CARMIL1: variants seen among roughly 807,000 people sequenced by gnomAD.
CARMIL1 encodes the protein capping protein regulator and myosin 1 linker 1.
Under a neutral mutation model 177.1 loss-of-function variants are expected in CARMIL1, and 90 were observed. The ratio of observed to expected loss-of-function variants is 0.51; its 90% CI spans 0.43 to 0.61. The LOEUF is 0.61. Ranked by LOEUF, CARMIL1 falls within the 20% of genes least tolerant of loss-of-function variation. The probability of loss-of-function intolerance (pLI) is 0.00; values close to 1 mark genes in which losing one functional copy is unlikely to be tolerated. For missense variants in CARMIL1, 1,380 were observed against 1,667.0 expected (o/e 0.83, Z 3.00); for synonymous variants, 577 against 606.2 (o/e 0.95, Z 0.71).
intron 2 of CARMIL1, among the ~76,000 whole-genome samples, chr6:25,380,842 G>C (rs1192112335): frequency 6.7e-6 from 1 of 149,136 alleles, no homozygotes; most frequent in African/African-American, 2.5e-5. Context: ...ACTCTTTTTT[G>C]CCAGATGTGG....
intron 2 of CARMIL1, among the ~76,000 whole-genome samples, chr6:25,401,606 T>C (rs112491120): frequency 3.3e-5 from 5 of 152,230 alleles, no homozygotes; most frequent in African/African-American, 9.6e-5. Flanking sequence ...TCTTGGGTCA[T>C]GCAATTCAGT....
intron 2 of CARMIL1, among the ~76,000 whole-genome samples, chr6:25,395,122 G>A (rs1365680171): frequency 6.6e-6 from 1 of 152,160 alleles, no homozygotes; most frequent in Non-Finnish European, 1.5e-5. Flanking sequence ...CCCTACTGGG[G>A]ACTAGGAGCT....
chr6:25,320,834 TAAG>T (rs1172806252), intron 2 of CARMIL1, among the ~76,000 whole-genome samples: 3 of 152,246 alleles, frequency 2.0e-5, no homozygotes, highest in South Asian at 4.1e-4. Context: ...GGCCACATTG[TAAG>T]AAGAAGAATT....
At chr6:25,340,014 G>C (rs1786734890) in intron 2 of CARMIL1, among the ~76,000 whole-genome samples, 1 of 152,180 alleles carries the variant, frequency 6.6e-6, no homozygotes, top group Non-Finnish European at 1.5e-5. Flanking sequence ...TTGTTGTCGA[G>C]CATGAAGAAA....
intron 35 of CARMIL1, 75 bp from the exon 36 acceptor site, chr6:25,609,975 A>C: frequency 5.0e-6 from 7 of 1,390,830 alleles, no homozygotes; most frequent in African/African-American, 2.9e-5. Flanking sequence ...ATTTTTATAT[A>C]TAGATTTACC....
At chr6:25,296,843 G>T (rs76929891) in intron 2 of CARMIL1, among the ~76,000 whole-genome samples, 1 of 152,190 alleles carries the variant, frequency 6.6e-6, no homozygotes, top group African/African-American at 2.4e-5. Context: ...GGGCAGTTCA[G>T]TTTGGCACTT....
chr6:25,401,850 A>G (rs1793905603), intron 2 of CARMIL1, among the ~76,000 whole-genome samples: 2 of 152,172 alleles, frequency 1.3e-5, no homozygotes, highest in Admixed American at 6.5e-5. Context: ...GCCAGATCTC[A>G]GGGACGTTGT....
intron 16 of CARMIL1, among the ~76,000 whole-genome samples, chr6:25,497,456 A>G (rs1260722892): frequency 6.6e-6 from 1 of 152,148 alleles, no homozygotes; most frequent in African/African-American, 2.4e-5. Context: ...GATATTTATA[A>G]GGACATTCTC....
At chr6:25,441,725 C>A (rs1797800911) in intron 5 of CARMIL1, among the ~76,000 whole-genome samples, 1 of 152,148 alleles carries the variant, frequency 6.6e-6, no homozygotes, top group African/African-American at 2.4e-5. Flanking sequence ...ACCTCTCAGA[C>A]AGTGACAACC....
chr6:25,580,955 A>G lies in CARMIL1; in HGVS notation c.2774A>G (p.His925Arg). Residue 925 changes from histidine to arginine, a missense_variant, in exon 30 of 37, where the codon CAT becomes CGT. Transcript: ENST00000329474. ...MTPKSKRKSI[H>R]SRMLRPVSRA... ...CCTAAATCCAAAAGGAAGAGTATCC[A>G]TAGCCGAATGCTGCGGCCTGTTTCT... 6.2e-7 allele frequency: 1 copy of G among 1,601,662 alleles called. No homozygotes were observed. The highest frequency in any genetic ancestry group is 8.5e-7 in the Non-Finnish European group (1 of 1,173,532).
At chr6:25,521,766 T>G in intron 23 of CARMIL1, among the ~76,000 whole-genome samples, 1 of 111,436 alleles carries the variant, frequency 9.0e-6, no homozygotes, top group South Asian at 3.0e-4. Flanking sequence ...CGAGATTCCA[T>G]CTCAAAAAAA....
In CARMIL1 at chr6:25,459,223, T is replaced by C. The variant is rs542540818; in HGVS notation, c.615-6650T>C. ...AGGATCCCAACTTTTTCTTTCTTTCTTTCTTTCTTTCTTTCTTTCTTTCTT... is the reference window on the plus strand; with the variant it reads ...AGGATCCCAACTTTTTCTTTCTTTCCTTCTTTCTTTCTTTCTTTCTTTCTT... On this transcript the variant is annotated intron_variant, in intron 8 of 36. Transcript: ENST00000329474. Among the ~76,000 whole-genome samples the C allele has an allele frequency of 1.2e-4, 9 of 74,488 alleles. No homozygotes were observed. In the South Asian group the frequency reaches 2.4e-3, roughly 20 times the overall value. 48.9% of individuals were successfully genotyped at this position (74,488 alleles called of 152,430 possible).
intron 23 of CARMIL1, among the ~76,000 whole-genome samples, chr6:25,526,753 A>C (rs1807184360): frequency 6.6e-6 from 1 of 151,894 alleles, no homozygotes; most frequent in Admixed American, 6.6e-5. Flanking sequence ...AGGTCTTGCT[A>C]TGTTGCCCAT....
intron 2 of CARMIL1, among the ~76,000 whole-genome samples, chr6:25,342,019 G>A (rs751038301): frequency 6.6e-6 from 1 of 152,160 alleles, no homozygotes; most frequent in Admixed American, 6.5e-5. Context: ...AGGGCTAGTT[G>A]CTAGCAACTT....
chr6:25,454,434 G>A (rs1799278567), intron 8 of CARMIL1, among the ~76,000 whole-genome samples: 1 of 152,062 alleles, frequency 6.6e-6, no homozygotes. Flanking sequence ...GCTGTAGTCT[G>A]CTGATACCTG....
Position 25,556,719 on chromosome 6 carries a change from C to G in CARMIL1, c.2611C>G (p.Arg871Gly). 1 of 1,613,072 alleles carries G rather than the reference C, an allele frequency of 6.2e-7. No individual in the cohort carries two copies. ...HHKLADHFSR[R>G]GKTLPQQESL... ...CTTCTAGGCTGACCATTTCAGCAGA[C>G]GTGGCAAGACCCTTCCTCAACAAGA... is the stretch of plus-strand genomic sequence containing the variant. Residue 871 changes from arginine to glycine, a missense_variant, in exon 29 of 37, where the codon CGT becomes GGT. Coordinates refer to ENST00000329474, the MANE Select transcript of CARMIL1 (RefSeq NM_017640.6).
In CARMIL1 at chr6:25,451,995, T is replaced by TCCCCCCCCCCCCCC. The variant is rs748360806; in HGVS notation, c.614+1293_614+1294insCCCCCCCCCCCCCC. ...TCATCACTAGCATCTTGCCCCCCCC[T>TCCCCCCCCCCCCCC]CCCCCCCCCAGAATACTGTTTTGAA... On this transcript the variant is annotated intron_variant, in intron 8 of 36. Transcript: ENST00000329474. 9.0e-5 allele frequency: 13 copies of TCCCCCCCCCCCCCC among 144,274 alleles called. 1 individual carries two copies. The highest frequency in any genetic ancestry group is 1.8e-4 in the East Asian group (1 of 5,478). 8.9% of individuals were successfully genotyped at this position (144,274 alleles called of 1,614,324 possible).
intron 2 of CARMIL1, among the ~76,000 whole-genome samples, chr6:25,411,746 C>T (rs1285582207): frequency 1.3e-5 from 2 of 152,142 alleles, no homozygotes; most frequent in African/African-American, 4.8e-5. Context: ...CGTAGATTTC[C>T]TCTGAAACTA....
At chr6:25,608,392 A>T (rs902615001) in intron 35 of CARMIL1, among the ~76,000 whole-genome samples, 13 of 152,144 alleles carry the variant, frequency 8.5e-5, no homozygotes, top group Non-Finnish European at 1.6e-4. Context: ...GTGTGTGTGT[A>T]GGAAAAAACA....
Sources: allele counts gnomAD v4.1 joint callset (sites outside exome capture counted in the v4.1 genomes callset), GRCh38; gene constraint gnomAD v4.1.1; transcripts MANE v1.5; gene names NCBI Gene and HGNC (gene_info 2026-07-23, HGNC 2026-07-21).